The following SMR3A variants were observed in gnomAD, a reference collection of about 807,000 sequenced individuals.
The protein encoded by SMR3A is submaxillary gland androgen regulated protein 3A, also known as submaxillary gland androgen-regulated protein 3A.
For missense variants in SMR3A, 188 were observed against 163.0 expected (o/e 1.15, Z -0.84); for synonymous variants, 48 against 57.4 (o/e 0.84, Z 0.74).
At position 70,366,665 on chromosome 4, in the gene SMR3A, C is replaced by T. The variant is rs1732267853; in HGVS notation, c.76C>T (p.Pro26Ser). The T allele has an allele frequency of 2.5e-6, 4 of 1,610,552 alleles. No individual in the cohort carries two copies. Among genetic ancestry groups the T allele is most frequent in the Non-Finnish European group, 3.4e-6 (4 of 1,178,126 alleles). Residue 26 changes from proline (P) to serine (S), a missense_variant, in exon 3 of 3, where the codon CCC becomes TCC. Transcript: ENST00000226460. Reference protein sequence around the residue: ...CFTPGESQRGPRGPYPPGPLA... With the variant: ...CFTPGESQRGSRGPYPPGPLA... ...ACAGCCTGGTGAGAGTCAAAGAGGC[C>T]CCAGGGGACCATATCCACCTGGACC...
intron 2 of SMR3A, among the ~76,000 whole-genome samples, chr4:70,364,146 G>A (rs1732209794): frequency 6.6e-6 from 1 of 152,064 alleles, no homozygotes. Context: ...TGCTTTGCAG[G>A]AAAGAGGTGA....
chr4:70,365,377 T>TC (rs1732237703), intron 2 of SMR3A, among the ~76,000 whole-genome samples: 1 of 151,938 alleles, frequency 6.6e-6, no homozygotes, highest in African/African-American at 2.4e-5. Context: ...ATATCCAGCC[T>TC]CAGCTATTTT....
At chr4:70,365,746 G>A (rs967910088) in intron 2 of SMR3A, among the ~76,000 whole-genome samples, 2 of 152,028 alleles carry the variant, frequency 1.3e-5, no homozygotes, top group East Asian at 3.9e-4. Context: ...TGACATGAAT[G>A]AACCAGCTCC....
chr4:70,363,836 A>C (rs1039970420), intron 2 of SMR3A, among the ~76,000 whole-genome samples: 2 of 152,004 alleles, frequency 1.3e-5, no homozygotes, highest in African/African-American at 4.8e-5. Context: ...ATATTTTTCC[A>C]TACTAAGGAT....
intron 2 of SMR3A, among the ~76,000 whole-genome samples, chr4:70,363,452 C>A (rs913907237): frequency 1.5e-4 from 23 of 152,058 alleles, no homozygotes; most frequent in African/African-American, 5.1e-4. Flanking sequence ...CATACATTAT[C>A]TCTTCTTTAA....
chr4:70,364,728 G>A (rs779054859), intron 2 of SMR3A, among the ~76,000 whole-genome samples: 78 of 151,820 alleles, frequency 5.1e-4, no homozygotes, highest in Admixed American at 5.1e-3. Context: ...TATAAAATTG[G>A]CATCAACTTG....
intron 2 of SMR3A, among the ~76,000 whole-genome samples, chr4:70,365,958 T>C (rs1254100316): frequency 6.6e-6 from 1 of 152,066 alleles, no homozygotes; most frequent in Non-Finnish European, 1.5e-5. Context: ...TCATTATCTA[T>C]TTTTTCCAGT....
At chr4:70,364,974 CCA>C (rs1400818457) in intron 2 of SMR3A, among the ~76,000 whole-genome samples, 1 of 151,910 alleles carries the variant, frequency 6.6e-6, no homozygotes, top group Admixed American at 6.6e-5. Flanking sequence ...GGACTGAGAA[CCA>C]CAAGAAGTGA....
chr4:70,363,353 T>C (rs564720447), intron 2 of SMR3A, among the ~76,000 whole-genome samples: 7 of 152,088 alleles, frequency 4.6e-5, no homozygotes, highest in South Asian at 2.1e-4. Flanking sequence ...CCTTTGCATA[T>C]ACATATTTGT....
Position 70,366,689 on chromosome 4 carries a change from C to A in SMR3A, c.100C>A (p.Pro34Thr), listed in dbSNP as rs774141988. 3 of 1,613,046 alleles carry A rather than the reference C, an allele frequency of 1.9e-6. No individual in the cohort carries two copies. Among genetic ancestry groups the A allele is most frequent in the African/African-American group, 1.3e-5 (1 of 74,958 alleles). Residue 34 changes from proline to threonine, a missense_variant, in exon 3 of 3, where the codon CCA becomes ACA. Coordinates refer to ENST00000226460, the MANE Select transcript of SMR3A (RefSeq NM_012390.4). The part of the protein sequence containing the change: ...RGPRGPYPPG[P>T]LAPPPPPCFP... ...CCCCAGGGGACCATATCCACCTGGA[C>A]CACTGGCTCCTCCTCCTCCACCATG...
chr4:70,361,961 T>A, intron 1 of SMR3A, 141 bp from the exon 2 acceptor site: 1 of 1,355,376 alleles, frequency 7.4e-7, no homozygotes, highest in Non-Finnish European at 9.9e-7. Context: ...TAATACTGAA[T>A]CCAAAATAAT....
chr4:70,363,106 T>A (rs1251960394), intron 2 of SMR3A, among the ~76,000 whole-genome samples: 1 of 152,000 alleles, frequency 6.6e-6, no homozygotes, highest in African/African-American at 2.4e-5. Flanking sequence ...TTAAATGTCA[T>A]GTCTTAATGA....
At chr4:70,364,453 T>C (rs961943159) in intron 2 of SMR3A, among the ~76,000 whole-genome samples, 2 of 151,748 alleles carry the variant, frequency 1.3e-5, no homozygotes, top group Non-Finnish European at 2.9e-5. Flanking sequence ...GAGTTGAACA[T>C]AAATGATAGT....
chr4:70,362,958 T>G (rs1732179860), intron 2 of SMR3A, among the ~76,000 whole-genome samples: 1 of 151,874 alleles, frequency 6.6e-6, no homozygotes, highest in Non-Finnish European at 1.5e-5. Context: ...AAATAATACC[T>G]CTTTCTTCTA....
At chr4:70,362,686 ACTACCCT>A (rs1732174676) in intron 2 of SMR3A, among the ~76,000 whole-genome samples, 1 of 151,878 alleles carries the variant, frequency 6.6e-6, no homozygotes, top group African/African-American at 2.4e-5. Flanking sequence ...GTTAAGGACA[ACTACCCT>A]TATTGTCCTT....
At chr4:70,366,361 G>A (rs976706642) in intron 2 of SMR3A, among the ~76,000 whole-genome samples, 1 of 151,860 alleles carries the variant, frequency 6.6e-6, no homozygotes, top group African/African-American at 2.4e-5. Flanking sequence ...AGCTCCTATA[G>A]CCAGTCTACC....
rs1424742048 is a variant in SMR3A, at chr4:70,360,797, T to G, written c.-60T>G. The G allele has an allele frequency of 6.6e-6, 1 of 151,904 alleles. No individual in the cohort carries two copies. Among genetic ancestry groups the G allele is most frequent in the Non-Finnish European group, 1.5e-5 (1 of 67,896 alleles). 9.4% of individuals were successfully genotyped at this position (151,904 alleles called of 1,614,324 possible). ...CTGTCTTTCAACTGGCAAGAGTCAT[T>G]TTGACCAGCAGGTTAATCAACTCTA... On this transcript the variant is annotated 5_prime_UTR_variant, in exon 1 of 3. The change creates a new upstream start codon in the 5' untranslated region. Coordinates refer to ENST00000226460, the MANE Select transcript of SMR3A (RefSeq NM_012390.4).
intron 2 of SMR3A, among the ~76,000 whole-genome samples, chr4:70,362,463 T>C (rs1732170503): frequency 6.6e-6 from 1 of 151,772 alleles, no homozygotes; most frequent in South Asian, 2.1e-4. Context: ...TAGGTAAAAC[T>C]CTATAAAATG....
At chr4:70,365,519 C>T (rs1435289834) in intron 2 of SMR3A, among the ~76,000 whole-genome samples, 1 of 152,032 alleles carries the variant, frequency 6.6e-6, no homozygotes. Flanking sequence ...CATCATTTTC[C>T]TGATAAGAAA....
Sources: gnomAD v4.1 joint callset for allele counts (sites outside exome capture counted in the v4.1 genomes callset) on GRCh38, gnomAD v4.1.1 for gene constraint, MANE v1.5 for transcripts, NCBI Gene and HGNC (gene_info 2026-07-23, HGNC 2026-07-21) for gene names.